Variants in GPR180 observed in about 807,000 individuals in gnomAD.
GPR180 encodes the protein G protein-coupled receptor 180.
GPR180 carries 53 observed loss-of-function variants against 52.6 expected under a neutral mutation model. The ratio of observed to expected loss-of-function variants is 1.01; its 90% CI spans 0.81 to 1.27. The LOEUF is 1.27. Among genes scored for constraint, GPR180 ranks in the 50% most tolerant of loss-of-function variants. GPR180 has a pLI of 0.00. For synonymous variants in GPR180, 200 were observed against 193.1 expected (o/e 1.04, Z -0.30); for missense variants, 533 against 527.0 (o/e 1.01, Z -0.11).
Position 94,619,501 on chromosome 13 carries a change from G to T in GPR180, c.720G>T (p.Met240Ile). 1 of 1,613,284 alleles carries T rather than the reference G, an allele frequency of 6.2e-7. No homozygotes were observed. The highest frequency in any genetic ancestry group is 8.5e-7 in the Non-Finnish European group (1 of 1,179,530). ...AAGATGGAATAGGGGTACCATTTAT[G>T]GGAAGTTTGGCAGAATGTGAGTATC... ...YSKDGIGVPF[M>I]GSLAEFFDIA... Residue 240 changes from methionine (M) to isoleucine (I), a missense_variant, in exon 5 of 9, where the codon ATG (methionine) becomes ATT (isoleucine). Met to Ile is a conservative substitution (Grantham distance 10). Transcript: ENST00000376958.
At chr13:94,613,397 A>C (rs1426877294) in intron 3 of GPR180, among the ~76,000 whole-genome samples, 1 of 152,198 alleles carries the variant, frequency 6.6e-6, no homozygotes. Context: ...ACTTTTTAAA[A>C]ATATCCTTTG....
At chr13:94,604,372 C>G (rs1321636905) in intron 1 of GPR180, among the ~76,000 whole-genome samples, 1 of 149,614 alleles carries the variant, frequency 6.7e-6, no homozygotes, top group Non-Finnish European at 1.5e-5. Flanking sequence ...CCAACCTGGC[C>G]AACATGGTGA....
intron 6 of GPR180, among the ~76,000 whole-genome samples, chr13:94,622,870 C>T (rs908910886): frequency 1.3e-5 from 2 of 152,132 alleles, no homozygotes; most frequent in African/African-American, 2.4e-5. Context: ...CCACTGTGCC[C>T]GGCAGCAATA....
At chr13:94,615,159 G>A (rs570887808) in intron 3 of GPR180, among the ~76,000 whole-genome samples, 6 of 152,290 alleles carry the variant, frequency 3.9e-5, no homozygotes, top group East Asian at 1.9e-4. Flanking sequence ...GTACAGAACC[G>A]CTGATCTAAA....
chr13:94,602,191 G>C (rs979600061), intron 1 of GPR180, 119 bp downstream of exon 1: 7 of 940,686 alleles, frequency 7.4e-6, no homozygotes, highest in Non-Finnish European at 9.9e-6. Flanking sequence ...GACTTCCCCA[G>C]CCTCACCTGG....
Position 94,629,786 on chromosome 13 carries a change from G to T in GPR180, c.*2615G>T, listed in dbSNP as rs1166833622. The stretch of plus-strand genomic sequence containing the variant: ...ATTACTAGCAGGAGAGTTAATCTAG[G>T]CAGAAGAGCTTGCTTTAGGGTAATT... On this transcript the variant is annotated 3_prime_UTR_variant, in exon 9 of 9. Transcript: ENST00000376958. The T allele has an allele frequency of 6.6e-6, 1 of 152,136 alleles. No individual in the cohort carries two copies. The highest frequency in any genetic ancestry group is 1.9e-4 in the East Asian group (1 of 5,200). 9.4% of individuals were successfully genotyped at this position (152,136 alleles called of 1,614,324 possible). A position where few individuals can be genotyped will look rare whatever the true frequency, so the allele number is the denominator to read the frequency against.
At position 94,628,438 on chromosome 13, in the gene GPR180, T is replaced by A. The variant is rs1350356742; in HGVS notation, c.*1267T>A. ...TCTGGCTTATTTTAAAAATATTTTT[T>A]ATCTATTTACTGTGTGTTTAAGCAA... On this transcript the variant is annotated 3_prime_UTR_variant, in exon 9 of 9. Transcript: ENST00000376958. The A allele has an allele frequency of 1.3e-5, 2 of 152,098 alleles. No individual in the cohort carries two copies. The highest frequency in any genetic ancestry group is 4.8e-5 in the African/African-American group (2 of 41,454). The allele number at this position is 152,098 out of a possible 1,614,324, so 9.4% of individuals were successfully genotyped here.
chr13:94,618,420 A>ATTGTTTTTTTTTTTTTTTTTTTTTTTTT (rs1889805918), intron 3 of GPR180, among the ~76,000 whole-genome samples: 1 of 87,156 alleles, frequency 1.1e-5, no homozygotes, highest in African/African-American at 6.3e-5. Flanking sequence ...TCAGCACAGG[A>ATTGTTTTTTTTTTTTTTTTTTTTTTTTT]TTTTTTTTTT....
rs1251404647 is a variant in GPR180 at position 94,630,497 on chromosome 13, A to G, written c.*3326A>G. 2 of 152,224 alleles carry G rather than the reference A, an allele frequency of 1.3e-5. No homozygotes were observed. Among genetic ancestry groups the G allele is most frequent in the African/African-American group, 4.8e-5 (2 of 41,450 alleles). The allele number at this position is 152,224 out of a possible 1,614,324, so 9.4% of individuals were successfully genotyped here. On this transcript the variant is annotated 3_prime_UTR_variant, in exon 9 of 9. Coordinates refer to ENST00000376958, the MANE Select transcript of GPR180 (RefSeq NM_180989.6). ...ATCATATAAATCAGATCAAACTACTACTTCCCTGACAAAAACCCTCCATGT... is the reference window on the plus strand; with the variant it reads ...ATCATATAAATCAGATCAAACTACTGCTTCCCTGACAAAAACCCTCCATGT...
At chr13:94,622,234 C>G (rs961969400) in intron 6 of GPR180, among the ~76,000 whole-genome samples, 2 of 152,008 alleles carry the variant, frequency 1.3e-5, no homozygotes, top group Non-Finnish European at 2.9e-5. Flanking sequence ...GAGATTCTAC[C>G]AACTTAATGT....
intron 1 of GPR180, among the ~76,000 whole-genome samples, chr13:94,603,788 A>T (rs972637103): frequency 6.6e-6 from 1 of 152,228 alleles, no homozygotes; most frequent in Admixed American, 6.5e-5. Flanking sequence ...AATGAAAAAC[A>T]GTCTCCTGTC....
chr13:94,613,779 T>A (rs1410132733), intron 3 of GPR180, among the ~76,000 whole-genome samples: 2 of 152,152 alleles, frequency 1.3e-5, no homozygotes, highest in Admixed American at 6.5e-5. Context: ...AGATGCCAAC[T>A]TTTTTCTGTA....
Position 94,633,353 on chromosome 13 carries a change from A to C in GPR180, c.*6182A>C, listed in dbSNP as rs1482467708. On this transcript the variant is annotated 3_prime_UTR_variant, in exon 9 of 9. Transcript: ENST00000376958. ...TCCGTGCAAAACAAAAACACTTAACAGAAAATTACGTTGTACTCTCTGTAC... is the reference window on the plus strand; with the variant it reads ...TCCGTGCAAAACAAAAACACTTAACCGAAAATTACGTTGTACTCTCTGTAC... 6.6e-6 allele frequency: 1 copy of C among 152,196 alleles called. No individual in the cohort carries two copies. The highest frequency in any genetic ancestry group is 1.5e-5 in the Non-Finnish European group (1 of 68,038). 9.4% of individuals were successfully genotyped at this position (152,196 alleles called of 1,614,324 possible).
intron 8 of GPR180, among the ~76,000 whole-genome samples, 181 bp downstream of exon 8, chr13:94,626,224 T>C (rs1889926922): frequency 6.6e-6 from 1 of 152,108 alleles, no homozygotes; most frequent in African/African-American, 2.4e-5. Flanking sequence ...TTTTAAAATA[T>C]TTATAAGCAA....
At chr13:94,613,779 T>G (rs1410132733) in intron 3 of GPR180, among the ~76,000 whole-genome samples, 1 of 152,152 alleles carries the variant, frequency 6.6e-6, no homozygotes, top group African/African-American at 2.4e-5. Context: ...AGATGCCAAC[T>G]TTTTTCTGTA....
At chr13:94,620,754 A>G (rs1247404225) in intron 5 of GPR180, among the ~76,000 whole-genome samples, 1 of 152,224 alleles carries the variant, frequency 6.6e-6, no homozygotes, top group Non-Finnish European at 1.5e-5. Flanking sequence ...AGGATTATGT[A>G]GTTAGAAAAG....
chr13:94,630,630 C>G lies in GPR180; in HGVS notation c.*3459C>G, dbSNP rs1889983176. 3 of 152,208 alleles carry G rather than the reference C, an allele frequency of 2.0e-5. No homozygotes were observed. Among genetic ancestry groups the G allele is most frequent in the Admixed American group, 2.0e-4 (3 of 15,278 alleles). 9.4% of individuals were successfully genotyped at this position (152,208 alleles called of 1,614,324 possible). A position where few individuals can be genotyped will look rare whatever the true frequency, so the allele number is the denominator to read the frequency against. ...TGTACCACTCTCTCACACACATATC[C>G]CAGCCTCATTGTCCTTCATCAAAAA... On this transcript the variant is annotated 3_prime_UTR_variant, in exon 9 of 9. Coordinates refer to ENST00000376958, the MANE Select transcript of GPR180 (RefSeq NM_180989.6).
chr13:94,630,305 C>A lies in GPR180; in HGVS notation c.*3134C>A, dbSNP rs992142068. 6.6e-6 allele frequency: 1 copy of A among 152,220 alleles called. No homozygotes were observed. The highest frequency in any genetic ancestry group is 1.5e-5 in the Non-Finnish European group (1 of 68,058). The allele number at this position is 152,220 out of a possible 1,614,324, so 9.4% of individuals were successfully genotyped here. ...TTGTGCTGTAGGAGTGCCATGAAGC[C>A]TGGAGGTGAGGAAAGAAGTGATCCT... On this transcript the variant is annotated 3_prime_UTR_variant, in exon 9 of 9. Transcript: ENST00000376958.
intron 3 of GPR180, among the ~76,000 whole-genome samples, chr13:94,616,027 C>A (rs1889774128): frequency 6.6e-6 from 1 of 152,180 alleles, no homozygotes; most frequent in African/African-American, 2.4e-5. Flanking sequence ...TAGCATCTCT[C>A]TACCCTGCTA....
Sources: allele counts gnomAD v4.1 joint callset (sites outside exome capture counted in the v4.1 genomes callset), GRCh38; gene constraint gnomAD v4.1.1; transcripts MANE v1.5; gene names NCBI Gene and HGNC (gene_info 2026-07-23, HGNC 2026-07-21).